WWOX: variants seen among roughly 807,000 people sequenced by gnomAD.
The protein encoded by WWOX is WW domain containing oxidoreductase, also known as WW domain-containing oxidoreductase.
WWOX carries 69 observed loss-of-function variants against 46.2 expected under a neutral mutation model. The ratio of observed to expected loss-of-function variants is 1.49; its 90% confidence interval spans 1.23 to 1.82. The LOEUF is 1.82. Ranked by LOEUF, WWOX falls within the 40% of genes most tolerant of loss-of-function variation. WWOX has a pLI of 0.00. For synonymous variants in WWOX, 359 were observed against 202.6 expected, an observed-to-expected ratio of 1.77 and a Z score of -6.56; for missense variants, 919 against 542.6, an observed-to-expected ratio of 1.69 and a Z score of -6.89.
At chr16:79,144,533 T>C (rs1192353891) in intron 8 of WWOX, among the ~76,000 whole-genome samples, 2 of 152,202 alleles carry the variant, frequency 1.3e-5, no homozygotes, top group African/African-American at 4.8e-5. Context: ...CTATTTCAGC[T>C]TCCTGTTTGT....
At chr16:78,274,208 C>G (rs2079537010) in intron 5 of WWOX, among the ~76,000 whole-genome samples, 1 of 152,104 alleles carries the variant, frequency 6.6e-6, no homozygotes, top group African/African-American at 2.4e-5. Flanking sequence ...CTCCCCATTT[C>G]CAGTCCCCAT....
rs1298320148 is a variant in WWOX at position 78,444,382 on chromosome 16, G to A, written c.1056+11630G>A. ...TTAATAGAACAGTTTAACTTGAAAG[G>A]AAATAAAAAAAGGAGACTAACATGG... is the stretch of plus-strand genomic sequence containing the variant. On this transcript the variant is annotated intron_variant, in intron 8 of 8. Coordinates refer to ENST00000566780, the MANE Select transcript of WWOX (RefSeq NM_016373.4). 4.0e-5 allele frequency among the ~76,000 whole-genome samples: 6 copies of A among 151,818 alleles called. No homozygotes were observed. In the East Asian group the frequency reaches 9.7e-4, roughly 24 times the overall value.
intron 7 of WWOX, among the ~76,000 whole-genome samples, chr16:78,427,213 G>T (rs1055594675): frequency 1.3e-5 from 2 of 152,118 alleles, no homozygotes; most frequent in African/African-American, 4.8e-5. Flanking sequence ...AAGACCCCCT[G>T]TTAGGGGAAA....
intron 8 of WWOX, among the ~76,000 whole-genome samples, chr16:78,527,453 C>T (rs554048438): frequency 9.9e-5 from 15 of 152,130 alleles, no homozygotes; most frequent in Admixed American, 3.9e-4. Context: ...ACCATCACAC[C>T]TGGCTAATTT....
At chr16:78,719,304 G>A (rs1001745651) in intron 8 of WWOX, among the ~76,000 whole-genome samples, 25 of 152,218 alleles carry the variant, frequency 1.6e-4, no homozygotes, top group African/African-American at 4.8e-4. Flanking sequence ...AGCCTTCCCT[G>A]TGGAAGCCCC....
intron 8 of WWOX, among the ~76,000 whole-genome samples, chr16:78,613,737 A>C (rs1415089515): frequency 1.3e-5 from 2 of 152,188 alleles, no homozygotes; most frequent in East Asian, 3.9e-4. Context: ...TCCAGCCGAG[A>C]ATGCTTTCCA....
intron 8 of WWOX, among the ~76,000 whole-genome samples, chr16:79,028,231 G>C (rs1369874429): frequency 1.3e-5 from 2 of 151,794 alleles, no homozygotes; most frequent in African/African-American, 4.9e-5. Context: ...TTACAGGCGT[G>C]AGCCACCACG....
rs80344418 is a variant in WWOX at position 78,137,057 on chromosome 16, G to C, written c.409+21903G>C. On this transcript the variant is annotated intron_variant, in intron 4 of 8. Transcript: ENST00000566780. ...CATTCACATACCATTCACAACATAAGTTGGATCAGCTCCCTTGAGCAGGAA... is the reference window on the plus strand; with the variant it reads ...CATTCACATACCATTCACAACATAACTTGGATCAGCTCCCTTGAGCAGGAA... 4.1e-3 allele frequency among the ~76,000 whole-genome samples: 630 copies of C among 152,304 alleles called. 5 individuals are homozygous for C. The highest frequency in any genetic ancestry group is 5.7e-3 in the Non-Finnish European group (391 of 68,032).
chr16:78,604,676 C>T (rs2045701773), intron 8 of WWOX, among the ~76,000 whole-genome samples: 1 of 52,048 alleles, frequency 1.9e-5, no homozygotes, highest in Non-Finnish European at 3.6e-5. Context: ...CTTCCCCCCT[C>T]CCTCCTTCCC....
intron 8 of WWOX, among the ~76,000 whole-genome samples, chr16:78,693,164 T>A (rs927188540): frequency 2.6e-5 from 4 of 152,206 alleles, no homozygotes; most frequent in Non-Finnish European, 4.4e-5. Flanking sequence ...AAAAAGCAAT[T>A]ATTTGCCCAT....
At chr16:78,821,703 T>C (rs983031966) in intron 8 of WWOX, among the ~76,000 whole-genome samples, 5 of 152,284 alleles carry the variant, frequency 3.3e-5, no homozygotes, top group South Asian at 2.1e-4. Flanking sequence ...GGAACTCAGT[T>C]GGTTGCTGAG....
chr16:78,119,692 C>T (rs1353911061), intron 4 of WWOX, among the ~76,000 whole-genome samples: 1 of 151,412 alleles, frequency 6.6e-6, no homozygotes, highest in East Asian at 1.9e-4. Context: ...TCTCAAACTC[C>T]TGGGTTCAAG....
intron 8 of WWOX, among the ~76,000 whole-genome samples, chr16:78,798,143 G>T (rs2050792610): frequency 6.6e-6 from 1 of 152,156 alleles, no homozygotes; most frequent in Non-Finnish European, 1.5e-5. Context: ...ACAGAGCTTG[G>T]ACCAGAGCGC....
chr16:78,462,814 G>T (rs1414235591), intron 8 of WWOX, among the ~76,000 whole-genome samples: 4 of 152,222 alleles, frequency 2.6e-5, no homozygotes, highest in African/African-American at 7.2e-5. Context: ...GAGAAACGAG[G>T]CAGCGGGCAC....
intron 8 of WWOX, among the ~76,000 whole-genome samples, chr16:78,757,548 C>T (rs925853268): frequency 6.6e-6 from 1 of 152,092 alleles, no homozygotes; most frequent in African/African-American, 2.4e-5. Flanking sequence ...CCATTTAACC[C>T]AGTTAACTCT....
intron 8 of WWOX, among the ~76,000 whole-genome samples, chr16:78,868,281 G>T (rs2044050094): frequency 6.6e-6 from 1 of 152,070 alleles, no homozygotes. Flanking sequence ...GGTCATAAAA[G>T]ACCACATAGT....
intron 8 of WWOX, among the ~76,000 whole-genome samples, chr16:79,166,392 T>A (rs1013075469): frequency 1.2e-4 from 18 of 152,146 alleles, no homozygotes; most frequent in Non-Finnish European, 8.8e-5. Flanking sequence ...CAGCTTTTCT[T>A]CCCTTTTGCC....
chr16:78,900,443 C>G (rs921824491), intron 8 of WWOX, among the ~76,000 whole-genome samples: 1 of 152,170 alleles, frequency 6.6e-6, no homozygotes, highest in Non-Finnish European at 1.5e-5. Flanking sequence ...ATGAGACTTT[C>G]TGTTAGGAAA....
At chr16:78,264,121 G>A (rs573835356) in intron 5 of WWOX, among the ~76,000 whole-genome samples, 2 of 148,732 alleles carry the variant, frequency 1.3e-5, no homozygotes, top group Non-Finnish European at 3.0e-5. Flanking sequence ...CACTTCTTGA[G>A]TCTTGGTCAT....
Sources: allele counts gnomAD v4.1 joint callset (sites outside exome capture counted in the v4.1 genomes callset), GRCh38; gene constraint gnomAD v4.1.1; transcripts MANE v1.5; gene names NCBI Gene and HGNC (gene_info 2026-07-23, HGNC 2026-07-21).